The following MAPRE2 variants were observed in gnomAD, a reference collection of about 807,000 sequenced individuals.
MAPRE2 encodes microtubule-associated protein RP/EB family member 2.
In MAPRE2, 13 loss-of-function variants were observed where a neutral mutation model predicts 43.2. That is an observed-to-expected ratio of 0.30 (90% CI 0.20 to 0.48). The LOEUF (loss-of-function observed/expected upper bound fraction) is 0.48. Ranked by LOEUF, MAPRE2 falls within the 20% of genes least tolerant of loss-of-function variation. The pLI, the probability that MAPRE2 is intolerant of heterozygous loss-of-function variation, is 0.99. For synonymous variants in MAPRE2, 135 were observed against 148.8 expected, an observed-to-expected ratio of 0.91 and a Z score of 0.68; for missense variants, 161 against 400.2, an observed-to-expected ratio of 0.40 and a Z score of 5.10.
In MAPRE2 at chr18:35,111,679, G is replaced by A. The variant is rs554531119; in HGVS notation, c.610+9520G>A. Reference sequence around the variant, plus strand: ...TCTAACCTTAGCCTCAGGCCTGTCTGTGCCTTTATGCAAGACTTCGTTTTC... The same window carrying A: ...TCTAACCTTAGCCTCAGGCCTGTCTATGCCTTTATGCAAGACTTCGTTTTC... On this transcript the variant is annotated intron_variant, in intron 4 of 6. Coordinates refer to ENST00000300249, the MANE Select transcript of MAPRE2 (RefSeq NM_014268.4). Among the ~76,000 whole-genome samples, 45 of 152,326 alleles carry A rather than the reference G, an allele frequency of 3.0e-4. 1 individual carries two copies. The highest frequency in any genetic ancestry group is 7.9e-4 in the African/African-American group (33 of 41,580).
chr18:35,014,386 A>AT (rs368732245), intron 2 of MAPRE2, among the ~76,000 whole-genome samples: 49,915 of 139,622 alleles, frequency 0.36, 9,885 homozygotes, highest in East Asian at 0.56. Flanking sequence ...GGGCAGGGTG[A>AT]TTTTTTTTTT....
rs755427797 is a variant in MAPRE2 at position 35,127,096 on chromosome 18, T to C, written c.750+9T>C. 1.9e-6 allele frequency: 3 copies of C among 1,613,988 alleles called. No homozygotes were observed. Among genetic ancestry groups the C allele is most frequent in the Non-Finnish European group, 2.5e-6 (3 of 1,179,954 alleles). On this transcript the variant is annotated intron_variant, in intron 5 of 6. Coordinates refer to ENST00000300249, the MANE Select transcript of MAPRE2 (RefSeq NM_014268.4). ...TACAGCTTAATGAACAGGTAATGCA[T>C]CAGCTCTGGCCACGCCTCTAGGAGC...
chr18:35,103,583 T>C lies in MAPRE2; in HGVS notation c.610+1424T>C, dbSNP rs144398325. Among the ~76,000 whole-genome samples the C allele has an allele frequency of 4.3e-3, 656 of 152,312 alleles. 3 individuals carry two copies. Among genetic ancestry groups the C allele is most frequent in the African/African-American group, 0.015 (618 of 41,564 alleles). ...GAGTTATAGGCTAAAGATAAACATT[T>C]GTGATTCTTCCACATATTGATGTAA... On this transcript the variant is annotated intron_variant, in intron 4 of 6. Transcript: ENST00000300249.
Position 35,141,412 on chromosome 18 carries a change from G to A in MAPRE2, c.*1043G>A, listed in dbSNP as rs949248234. 10 of 152,206 alleles carry A rather than the reference G, an allele frequency of 6.6e-5. No individual in the cohort carries two copies. Among genetic ancestry groups the A allele is most frequent in the African/African-American group, 2.2e-4 (9 of 41,444 alleles). The allele number at this position is 152,206 out of a possible 1,614,324, so 9.4% of individuals were successfully genotyped here. On this transcript the variant is annotated 3_prime_UTR_variant, in exon 7 of 7. Coordinates refer to ENST00000300249, the MANE Select transcript of MAPRE2 (RefSeq NM_014268.4). ...ACCTTATTAATAGGAGCATAATTGC[G>A]AGGGAGAATCATGGTTCTGCAGTCT...
chr18:35,005,498 GT>G, exon 2 of MAPRE2: 1 of 1,535,756 alleles, frequency 6.5e-7, no homozygotes, highest in Non-Finnish European at 8.8e-7. Flanking sequence ...CCAGTGTCCT[GT>G]TTCCCAGAGG....
In MAPRE2 at chr18:35,067,171, G is replaced by A. The variant is rs140590132; in HGVS notation, c.123-3024G>A. Among the ~76,000 whole-genome samples the A allele has an allele frequency of 1.2e-3, 179 of 152,322 alleles. 2 individuals are homozygous for A. The highest frequency in any genetic ancestry group is 3.3e-3 in the African/African-American group (136 of 41,562). ...GCAATGGTGGAGATTTGAGTGGTATGCCTGGTAACTAAGTACCCAGAATTT... is the reference window on the plus strand; with the variant it reads ...GCAATGGTGGAGATTTGAGTGGTATACCTGGTAACTAAGTACCCAGAATTT... On this transcript the variant is annotated intron_variant, in intron 1 of 6. Coordinates refer to ENST00000300249, the MANE Select transcript of MAPRE2 (RefSeq NM_014268.4).
At chr18:35,019,333 C>G (rs1029931368) in intron 2 of MAPRE2, among the ~76,000 whole-genome samples, 5 of 151,864 alleles carry the variant, frequency 3.3e-5, no homozygotes, top group African/African-American at 1.2e-4. Context: ...CTGTAGCTGT[C>G]TATTAGGTCC....
At chr18:35,035,385 A>G (rs888444952) in intron 2 of MAPRE2, among the ~76,000 whole-genome samples, 1 of 151,662 alleles carries the variant, frequency 6.6e-6, no homozygotes, top group African/African-American at 2.4e-5. Flanking sequence ...GAGGGGAGGG[A>G]TAGCATTAGG....
At chr18:35,045,703 G>T (rs1905585038) in intron 1 of MAPRE2, among the ~76,000 whole-genome samples, 1 of 152,102 alleles carries the variant, frequency 6.6e-6, no homozygotes, top group African/African-American at 2.4e-5. Context: ...TCAGAACATA[G>T]GCTTCACATC....
chr18:35,128,845 C>T (rs77888620), intron 5 of MAPRE2, among the ~76,000 whole-genome samples: 182 of 152,300 alleles, frequency 1.2e-3, no homozygotes, highest in African/African-American at 4.1e-3. Flanking sequence ...AGTATAACCA[C>T]GTGGAAACCT....
At chr18:35,056,399 G>A (rs959147631) in intron 1 of MAPRE2, among the ~76,000 whole-genome samples, 4 of 152,082 alleles carry the variant, frequency 2.6e-5, no homozygotes, top group African/African-American at 9.7e-5. Flanking sequence ...TGATTGTCAG[G>A]TTTTTGGTTT....
intron 2 of MAPRE2, among the ~76,000 whole-genome samples, chr18:35,096,499 A>G (rs1041957943): frequency 6.6e-6 from 1 of 152,136 alleles, no homozygotes; most frequent in South Asian, 2.1e-4. Context: ...AGCTCTTCAT[A>G]TATTTTTTCA....
chr18:35,085,060 A>G (rs73946517), intron 2 of MAPRE2, among the ~76,000 whole-genome samples: 4,098 of 152,354 alleles, frequency 0.027, 84 homozygotes, highest in African/African-American at 0.058. Flanking sequence ...GATTTTTGTT[A>G]GATTAGAATG....
chr18:35,137,310 G>A (rs1037594565), intron 6 of MAPRE2, among the ~76,000 whole-genome samples: 1 of 152,202 alleles, frequency 6.6e-6, no homozygotes, highest in African/African-American at 2.4e-5. Context: ...GCTGCCCTGG[G>A]CATCTGGAAG....
intron 6 of MAPRE2, among the ~76,000 whole-genome samples, chr18:35,135,428 C>G (rs1181505392): frequency 6.6e-6 from 1 of 152,032 alleles, no homozygotes; most frequent in Non-Finnish European, 1.5e-5. Flanking sequence ...AAGAAATCAT[C>G]CTAGATATCT....
intron 1 of MAPRE2, among the ~76,000 whole-genome samples, chr18:35,003,963 A>G (rs1438113860): frequency 6.6e-6 from 1 of 152,226 alleles, no homozygotes; most frequent in African/African-American, 2.4e-5. Flanking sequence ...ATTGTAGTCA[A>G]TATATCTTAA....
At chr18:35,087,636 T>C (rs1299504865) in intron 2 of MAPRE2, among the ~76,000 whole-genome samples, 10 of 152,196 alleles carry the variant, frequency 6.6e-5, no homozygotes, top group Non-Finnish European at 4.4e-5. Context: ...TATGCAGATC[T>C]TCATTCATTA....
chr18:34,999,441 G>A lies in MAPRE2; in HGVS notation c.-69-6051G>A, dbSNP rs1400461725. On this transcript the variant is annotated intron_variant, in intron 1 of 7. Transcript: ENST00000413393. The stretch of plus-strand genomic sequence containing the variant: ...AAATATTTTAATTCTGATTCACATG[G>A]AAAGTAGCAGATGGATAAATGATGA... 2.6e-5 allele frequency among the ~76,000 whole-genome samples: 4 copies of A among 152,186 alleles called. No homozygotes were observed. In the East Asian group the frequency reaches 7.7e-4, roughly 29 times the overall value.
rs76508704 is a variant in MAPRE2, at chr18:35,021,571, C to A, written c.-8+16018C>A. On this transcript the variant is annotated intron_variant, in intron 2 of 7. Coordinates refer to the MAPRE2 transcript ENST00000413393. ...TATTGCATCCCTTAAACTTCACGGC[C>A]CCACTCCTCCCAGAAAAAAAGAGTT... 9.2e-5 allele frequency among the ~76,000 whole-genome samples: 14 copies of A among 152,164 alleles called. No homozygotes were observed. In the East Asian group the frequency reaches 2.7e-3, roughly 29 times the overall value.
Sources: allele counts gnomAD v4.1 joint callset (sites outside exome capture counted in the v4.1 genomes callset), GRCh38; gene constraint gnomAD v4.1.1; transcripts MANE v1.5; gene names NCBI Gene and HGNC (gene_info 2026-07-23, HGNC 2026-07-21).